Variants in CCDC34 observed in about 807,000 individuals in gnomAD.
CCDC34 encodes the protein coiled-coil domain-containing protein 34.
A neutral mutation model predicts 44.1 loss-of-function variants in CCDC34; 40 were observed. The ratio of observed to expected loss-of-function variants is 0.91; its 90% confidence interval spans 0.70 to 1.18. The LOEUF (loss-of-function observed/expected upper bound fraction) is 1.18, where lower values mean the gene tolerates loss of function less well. Ranked by LOEUF, CCDC34 falls within the 50% of genes most tolerant of loss-of-function variation. The probability of loss-of-function intolerance (pLI) is 0.00; values close to 1 mark genes in which losing one functional copy is unlikely to be tolerated. For missense variants in CCDC34, 466 were observed against 452.3 expected, an observed-to-expected ratio of 1.03 and a Z score of -0.28; for synonymous variants, 159 against 158.2, an observed-to-expected ratio of 1.01 and a Z score of -0.04.
At chr11:27,352,852 T>G in intron 2 of CCDC34, among the ~76,000 whole-genome samples, 1 of 152,208 alleles carries the variant, frequency 6.6e-6, no homozygotes, top group African/African-American at 2.4e-5. Context: ...TAATCTTGGA[T>G]GTCTGTTCAA....
Position 27,350,443 on chromosome 11 carries a change from T to C in CCDC34, c.499-4A>G. ...TTTCTAGTTGTTGATTTAATTCCTG[T>C]GGATTTTATTTAGACAAAAGGCAAC... On this transcript the variant is annotated splice_polypyrimidine_tract_variant and splice_region_variant and intron_variant, in intron 2 of 5. Transcript: ENST00000328697. 2 of 1,589,892 alleles carry C rather than the reference T, an allele frequency of 1.3e-6. No individual in the cohort carries two copies. Among genetic ancestry groups the C allele is most frequent in the South Asian group, 1.1e-5 (1 of 88,134 alleles).
Position 27,357,555 on chromosome 11 carries a change from G to C in CCDC34, c.360-14C>G. ...TCAACCTGAGTGCTACAAAAGAGAG[G>C]CTACTATAGTACTTGTACAAGAACC... On this transcript the variant is annotated splice_polypyrimidine_tract_variant and intron_variant, in intron 1 of 5. Transcript: ENST00000328697. 4 of 1,611,812 alleles carry C rather than the reference G, an allele frequency of 2.5e-6. No individual in the cohort carries two copies. Among genetic ancestry groups the C allele is most frequent in the Non-Finnish European group, 3.4e-6 (4 of 1,178,700 alleles).
At chr11:27,343,160 C>T (rs934325774) in intron 3 of CCDC34, among the ~76,000 whole-genome samples, 4 of 152,122 alleles carry the variant, frequency 2.6e-5, no homozygotes, top group African/African-American at 7.2e-5. Context: ...CAGCACTTTG[C>T]GGGGCCAAGG....
At chr11:27,349,713 C>A in intron 3 of CCDC34, 1 of 977,928 alleles carries the variant, frequency 1.0e-6, no homozygotes, top group Non-Finnish European at 1.2e-6. Flanking sequence ...CAATGAACAT[C>A]TTCACTCAAT....
Position 27,350,394 on chromosome 11 carries a change from C to T in CCDC34, c.544G>A (p.Glu182Lys). 6.2e-7 allele frequency: 1 copy of T among 1,612,074 alleles called. No homozygotes were observed. ...TCTTCAGCAATTATCTTTCTTTTTT[C>T]ACGTTCTTCCATTTCTTTTCTTTTT... ...LEKRKEMEER[E>K]KRKIIAEEKH... Residue 182 changes from glutamate to lysine, a missense_variant, in exon 3 of 6, where the codon GAA (glutamate) becomes AAA (lysine). Glu to Lys is a moderately conservative substitution (Grantham distance 56). Coordinates refer to ENST00000328697, the MANE Select transcript of CCDC34 (RefSeq NM_030771.2).
At chr11:27,354,037 A>G (rs1222957421) in intron 2 of CCDC34, among the ~76,000 whole-genome samples, 1 of 152,236 alleles carries the variant, frequency 6.6e-6, no homozygotes, top group African/African-American at 2.4e-5. Flanking sequence ...CAGAAAAATA[A>G]GGAAAACATG....
At position 27,338,659 on chromosome 11, in the gene CCDC34, GA is replaced by G. The variant is rs375482652; in HGVS notation, c.*161del. On this transcript the variant is annotated 3_prime_UTR_variant, in exon 6 of 6. Transcript: ENST00000328697. The stretch of plus-strand genomic sequence containing the variant: ...AAAAGTTTATAAAAACCAAAATCCA[GA>G]AAATATCTTCCTCAACTCTAAGGAC... 86 of 598,992 alleles carry G rather than the reference GA, an allele frequency of 1.4e-4. No homozygotes were observed. The South Asian group carries it at 1.9e-3, about 13-fold the overall frequency. 37.1% of individuals were successfully genotyped at this position (598,992 alleles called of 1,614,324 possible).
At chr11:27,355,374 A>G (rs908110746) in intron 2 of CCDC34, among the ~76,000 whole-genome samples, 2 of 152,104 alleles carry the variant, frequency 1.3e-5, no homozygotes, top group Non-Finnish European at 2.9e-5. Context: ...TATAACATAA[A>G]AAAATAGAGT....
In CCDC34 at chr11:27,363,031, AGCGGCGG is replaced by A; in HGVS notation, c.157_163del (p.Pro53CysfsTer3). The A allele has an allele frequency of 6.2e-7, 1 of 1,614,136 alleles. No homozygotes were observed. Among genetic ancestry groups the A allele is most frequent in the Non-Finnish European group, 8.5e-7 (1 of 1,180,010 alleles). On this transcript the variant is annotated frameshift_variant, in exon 1 of 6. Transcript: ENST00000328697. LOFTEE classifies it high-confidence loss of function. ...GGTGGAATTGCTGCAGCTCAGCGGC[AGCGGCGG>A]CGACGGCGAGCGCACCACCTCCAGC...
In CCDC34 at chr11:27,363,013, T is replaced by C. The variant is rs554958200; in HGVS notation, c.182A>G (p.Asn61Ser). ...GGGAGACAACAGCGACCTGGTGGAA[T>C]TGCTGCAGCTCAGCGGCAGCGGCGG... is the stretch of plus-strand genomic sequence containing the variant. ...PSPPLPLSCS[N>S]STRSLLSPLG... is the part of the protein sequence containing the mutation. The change falls in exon 1 of 6, where the codon AAT (asparagine) becomes AGT (serine). Residue 61 changes from asparagine to serine, a missense_variant. Asn to Ser is a conservative substitution (Grantham distance 46). Transcript: ENST00000328697. The C allele has an allele frequency of 1.2e-6, 2 of 1,614,172 alleles. No individual in the cohort carries two copies. The highest frequency in any genetic ancestry group is 1.7e-6 in the Non-Finnish European group (2 of 1,180,024).
rs140982527 is a variant in CCDC34 at position 27,363,159 on chromosome 11, G to C, written c.36C>G (p.Pro12=). 3 of 1,504,788 alleles carry C rather than the reference G, an allele frequency of 2.0e-6. No individual in the cohort carries two copies. Among genetic ancestry groups the C allele is most frequent in the South Asian group, 1.3e-5 (1 of 75,044 alleles). The allele number at this position is 1,504,788 out of a possible 1,614,324, so 93.2% of individuals were successfully genotyped here. The change falls in exon 1 of 6, where the codon CCC becomes CCG. Residue 12 remains proline, a synonymous_variant. Transcript: ENST00000328697. The stretch of plus-strand genomic sequence containing the variant: ...CAGCAGAGAAACCGGCGTAGGAAGA[G>C]GGAAAAGTAGGCCCCCAGCGCCCCG... The part of the protein sequence containing the change: ...WAAGRWGPTF[P]SSYAGFSADC...
At chr11:27,357,574 A>C (rs1862597966) in intron 1 of CCDC34, 33 bp from the exon 2 acceptor site, 2 of 1,598,136 alleles carry the variant, frequency 1.3e-6, no homozygotes, top group African/African-American at 2.7e-5. Context: ...GTACTTGTAC[A>C]AGAACCTCTT....
intron 1 of CCDC34, among the ~76,000 whole-genome samples, chr11:27,359,812 T>C (rs968592564): frequency 5.9e-5 from 9 of 152,248 alleles, no homozygotes; most frequent in African/African-American, 9.6e-5. Context: ...AAGTACTTAG[T>C]AAGTCATTTA....
At chr11:27,340,555 G>A in intron 5 of CCDC34, 141 bp downstream of exon 5, 4 of 822,292 alleles carry the variant, frequency 4.9e-6, no homozygotes, top group Non-Finnish European at 7.1e-6. Flanking sequence ...ATAGGAACAT[G>A]ACATGTTTAT....
intron 2 of CCDC34, among the ~76,000 whole-genome samples, chr11:27,352,344 C>T (rs979450184): frequency 6.6e-6 from 1 of 151,060 alleles, no homozygotes; most frequent in African/African-American, 2.4e-5. Flanking sequence ...AATCATACCA[C>T]TGTACTCCAG....
rs568819047 is a variant in CCDC34, at chr11:27,361,548, A to C, written c.359+1288T>G. ...AACTCTACCATTAAATTTTACTATC[A>C]GGTTGATCAGAGGAGGCCTGTTTCT... is the stretch of plus-strand genomic sequence containing the variant. On this transcript the variant is annotated intron_variant, in intron 1 of 5. Coordinates refer to ENST00000328697, the MANE Select transcript of CCDC34 (RefSeq NM_030771.2). 7.9e-5 allele frequency among the ~76,000 whole-genome samples: 12 copies of C among 152,336 alleles called. No homozygotes were observed. In the East Asian group the frequency reaches 2.3e-3, roughly 29 times the overall value.
chr11:27,355,576 ACTTT>A (rs1288844346), intron 2 of CCDC34, among the ~76,000 whole-genome samples: 2 of 152,204 alleles, frequency 1.3e-5, no homozygotes, highest in African/African-American at 4.8e-5. Flanking sequence ...GCATCTTTAT[ACTTT>A]GTTACATTTA....
chr11:27,341,033 AAAC>A (rs2134228632), intron 4 of CCDC34, among the ~76,000 whole-genome samples, 196 bp from the exon 5 acceptor site: 1 of 152,326 alleles, frequency 6.6e-6, no homozygotes, highest in Non-Finnish European at 1.5e-5. Flanking sequence ...TGGCTCTGAA[AAAC>A]AATAAGACAT....
intron 3 of CCDC34, chr11:27,348,834 A>T (rs1173850692): frequency 2.2e-6 from 2 of 925,858 alleles, no homozygotes; most frequent in African/African-American, 3.6e-5. Flanking sequence ...ATAATCAATT[A>T]TTCCTTAACA....
Sources: gnomAD v4.1 joint callset for allele counts (sites outside exome capture counted in the v4.1 genomes callset) on GRCh38, gnomAD v4.1.1 for gene constraint, MANE v1.5 for transcripts, NCBI Gene and HGNC (gene_info 2026-07-23, HGNC 2026-07-21) for gene names.